The following MGAM2 variants were observed in gnomAD, a reference collection of about 807,000 sequenced individuals.
MGAM2 encodes the protein maltase-glucoamylase 2 (putative).
Under a neutral mutation model 96.1 loss-of-function variants are expected in MGAM2, and 98 were observed. That is an observed-to-expected ratio of 1.02 (90% CI 0.87 to 1.21). The LOEUF (loss-of-function observed/expected upper bound fraction) is 1.21. MGAM2 is among the 50% of genes most tolerant of loss of function. MGAM2 has a pLI of 0.00. For missense variants in MGAM2, 2,055 were observed against 1,182.4 expected (o/e 1.74, Z -10.82); for synonymous variants, 749 against 414.8 (o/e 1.81, Z -9.79).
At chr7:142,133,017 T>G (rs2129077984) in intron 6 of MGAM2, among the ~76,000 whole-genome samples, 1 of 132,336 alleles carries the variant, frequency 7.6e-6, no homozygotes, top group South Asian at 2.3e-4. Context: ...TATATTTAAT[T>G]TATATTTTCA....
At chr7:142,199,820 T>C in intron 44 of MGAM2, 60 bp from the exon 45 acceptor site, 1 of 635,206 alleles carries the variant, frequency 1.6e-6, no homozygotes, top group Non-Finnish European at 2.8e-6. Context: ...ACACAGTCTG[T>C]TCTTTATTCT....
Position 142,154,023 on chromosome 7 carries a change from T to C in MGAM2, c.1640T>C (p.Leu547Pro). 1 of 670,866 alleles carries C rather than the reference T, an allele frequency of 1.5e-6. No individual in the cohort carries two copies. The highest frequency in any genetic ancestry group is 2.7e-5 in the East Asian group (1 of 36,846). 41.6% of individuals were successfully genotyped at this position (670,866 alleles called of 1,614,324 possible). A position where few individuals can be genotyped will look rare whatever the true frequency, so the allele number is the denominator to read the frequency against. ...HSMARTTNLA[L>P]ETIFMNNRSF... is the part of the protein sequence containing the mutation. Reference sequence around the variant, plus strand: ...CTGGATGTATTCCTTTCCAGAGCCCTGGAGACCATCTTCATGAATAATAGG... The same window carrying C: ...CTGGATGTATTCCTTTCCAGAGCCCCGGAGACCATCTTCATGAATAATAGG... Residue 547 changes from leucine to proline, a missense_variant, in exon 16 of 48, where the codon CTG becomes CCG. Leu to Pro is a moderately conservative substitution (Grantham distance 98). Coordinates refer to ENST00000477922, the MANE Select transcript of MGAM2 (RefSeq NM_001293626.2).
intron 19 of MGAM2, among the ~76,000 whole-genome samples, chr7:142,158,963 G>A (rs1018611962): frequency 4.6e-5 from 7 of 152,146 alleles, no homozygotes; most frequent in African/African-American, 1.2e-4. Flanking sequence ...TAACCAACCA[G>A]TGGCCCTGCT....
At chr7:142,153,098 C>G (rs931713905) in intron 15 of MGAM2, among the ~76,000 whole-genome samples, 3 of 150,586 alleles carry the variant, frequency 2.0e-5, no homozygotes, top group Admixed American at 1.3e-4. Flanking sequence ...TGGGTTCAAA[C>G]GATTCTGCTG....
At chr7:142,184,735 T>G (rs1209467461) in intron 33 of MGAM2, among the ~76,000 whole-genome samples, 1 of 152,168 alleles carries the variant, frequency 6.6e-6, no homozygotes, top group Admixed American at 6.5e-5. Flanking sequence ...TTCTTTAGAG[T>G]CACACTTCAT....
At position 142,116,992 on chromosome 7, in the gene MGAM2, C is replaced by T. The variant is rs1457468479; in HGVS notation, c.106+13C>T. Reference sequence around the variant, plus strand: ...GAGGAAACTTCAGGTAAGGGAGATGCTTGTAGGTTGGAAGGCTGGGTAAAG... The same window carrying T: ...GAGGAAACTTCAGGTAAGGGAGATGTTTGTAGGTTGGAAGGCTGGGTAAAG... On this transcript the variant is annotated intron_variant, in intron 2 of 47. Transcript: ENST00000477922. The T allele has an allele frequency of 4.3e-6, 3 of 702,962 alleles. No homozygotes were observed. The highest frequency in any genetic ancestry group is 3.0e-5 in the South Asian group (2 of 67,596). 43.5% of individuals were successfully genotyped at this position (702,962 alleles called of 1,614,324 possible).
Position 142,128,202 on chromosome 7 carries a change from G to A in MGAM2, c.187-2746G>A, listed in dbSNP as rs181706944. On this transcript the variant is annotated intron_variant, in intron 3 of 47. Transcript: ENST00000477922. ...TTAGGGTATCTGGCAGAAGAAATTT[G>A]TAAGCAGCAAAGTGTTCAAGAGGTA... Among the ~76,000 whole-genome samples the A allele has an allele frequency of 2.2e-3, 341 of 152,332 alleles. 1 individual carries two copies. The highest frequency in any genetic ancestry group is 5.6e-3 in the Admixed American group (85 of 15,308).
At chr7:142,197,252 G>T in intron 40 of MGAM2, 148 bp from the exon 41 acceptor site, 2 of 604,646 alleles carry the variant, frequency 3.3e-6, no homozygotes, top group Non-Finnish European at 5.9e-6. Context: ...TTGTAGGGTG[G>T]CAGAGATGGG....
At chr7:142,131,738 G>A (rs1040742960) in intron 5 of MGAM2, 111 bp downstream of exon 5, 1 of 630,666 alleles carries the variant, frequency 1.6e-6, no homozygotes, top group African/African-American at 1.8e-5. Context: ...AGGAATCTCT[G>A]GATGGCATGG....
At chr7:142,187,721 C>A in intron 35 of MGAM2, 29 bp from the exon 36 acceptor site, 1 of 701,366 alleles carries the variant, frequency 1.4e-6, no homozygotes, top group Non-Finnish European at 2.6e-6. Flanking sequence ...CCTGACATGA[C>A]GAGATCTTTT....
intron 15 of MGAM2, among the ~76,000 whole-genome samples, chr7:142,149,692 C>CCGCT (rs1278192726): frequency 1.3e-5 from 2 of 152,122 alleles, no homozygotes; most frequent in Admixed American, 6.5e-5. Flanking sequence ...AGGCAGCTGC[C>CCGCT]ACCACGCCCG....
At chr7:142,181,256 G>T (rs972765182) in intron 32 of MGAM2, among the ~76,000 whole-genome samples, 1 of 152,150 alleles carries the variant, frequency 6.6e-6, no homozygotes, top group Non-Finnish European at 1.5e-5. Flanking sequence ...TGACTGTGGT[G>T]TATGTTGAGT....
chr7:142,179,987 G>A (rs1796490351), intron 32 of MGAM2, among the ~76,000 whole-genome samples: 1 of 151,852 alleles, frequency 6.6e-6, no homozygotes. Context: ...TTTGGTTAAG[G>A]ACTTTTTTTT....
Position 142,120,878 on chromosome 7 carries a change from A to T in MGAM2, c.186+497A>T, listed in dbSNP as rs149961101. Among the ~76,000 whole-genome samples, 222 of 152,326 alleles carry T rather than the reference A, an allele frequency of 1.5e-3. 1 individual carries two copies. Among genetic ancestry groups the T allele is most frequent in the African/African-American group, 5.2e-3 (218 of 41,586 alleles). ...TTATTGGCAATAGAGGTCCCAATGGATACGTGCTAAGGAACACAGGTTTTC... is the reference window on the plus strand; with the variant it reads ...TTATTGGCAATAGAGGTCCCAATGGTTACGTGCTAAGGAACACAGGTTTTC... On this transcript the variant is annotated intron_variant, in intron 3 of 47. Coordinates refer to ENST00000477922, the MANE Select transcript of MGAM2 (RefSeq NM_001293626.2).
chr7:142,126,284 T>A (rs1486559543), intron 3 of MGAM2, among the ~76,000 whole-genome samples: 2 of 152,112 alleles, frequency 1.3e-5, no homozygotes, highest in Non-Finnish European at 2.9e-5. Flanking sequence ...ATTTTATTGA[T>A]ATTTCGCACA....
chr7:142,165,575 A>G (rs1030283893), intron 24 of MGAM2, among the ~76,000 whole-genome samples: 1 of 152,170 alleles, frequency 6.6e-6, no homozygotes, highest in Admixed American at 6.5e-5. Context: ...ATAGCATAGA[A>G]TAAGAGTTTG....
intron 26 of MGAM2, among the ~76,000 whole-genome samples, chr7:142,169,292 C>T (rs1796121618): frequency 6.6e-6 from 1 of 151,920 alleles, no homozygotes; most frequent in African/African-American, 2.4e-5. Context: ...CCTGGTGGTG[C>T]GCACCTGTAG....
At chr7:142,120,267 C>T in intron 2 of MGAM2, 35 bp from the exon 3 acceptor site, 1 of 701,516 alleles carries the variant, frequency 1.4e-6, no homozygotes, top group Non-Finnish European at 2.6e-6. Context: ...GATTACACTA[C>T]ACATTTTCAA....
Position 142,172,125 on chromosome 7 carries a change from C to G in MGAM2, c.3379C>G (p.Pro1127Ala). ...AYKKNSYGVH[P>A]YYMALEEDGS... is the part of the protein sequence containing the mutation. ...CAAGAAGAATTCCTATGGTGTCCAC[C>G]CTTACTACATGGCACTGGAGGAGGA... The change falls in exon 29 of 48, where the codon CCT (proline) becomes GCT (alanine). Residue 1127 changes from proline to alanine, a missense_variant. By Grantham distance (27) the Pro-to-Ala change is conservative. Coordinates refer to ENST00000477922, the MANE Select transcript of MGAM2 (RefSeq NM_001293626.2). 1 of 735,240 alleles carries G rather than the reference C, an allele frequency of 1.4e-6. No individual in the cohort carries two copies. Among genetic ancestry groups the G allele is most frequent in the Non-Finnish European group, 2.5e-6 (1 of 400,718 alleles). The allele number at this position is 735,240 out of a possible 1,614,324, so 45.5% of individuals were successfully genotyped here. A position where few individuals can be genotyped will look rare whatever the true frequency, so the allele number is the denominator to read the frequency against.
Sources: gnomAD v4.1 joint callset for allele counts (sites outside exome capture counted in the v4.1 genomes callset) on GRCh38, gnomAD v4.1.1 for gene constraint, MANE v1.5 for transcripts, NCBI Gene and HGNC (gene_info 2026-07-23, HGNC 2026-07-21) for gene names.